ADGRL3: variants seen among roughly 807,000 people sequenced by gnomAD.
The protein encoded by ADGRL3 is adhesion G protein-coupled receptor L3, also known as calcium-independent alpha-latrotoxin receptor 3.
ADGRL3 carries 62 observed loss-of-function variants against 153.5 expected under a neutral mutation model. The ratio of observed to expected loss-of-function variants is 0.40; its 90% CI spans 0.33 to 0.50. ADGRL3 has a LOEUF of 0.50. Among genes scored for constraint, ADGRL3 ranks in the 20% least tolerant of loss-of-function variants. ADGRL3 has a pLI of 0.47. For missense variants in ADGRL3, 1,641 were observed against 1,859.4 expected (o/e 0.88, Z 2.16); for synonymous variants, 710 against 672.5 (o/e 1.06, Z -0.86).
At chr4:61,335,062 G>A (rs567363974) in intron 1 of ADGRL3, among the ~76,000 whole-genome samples, 36 of 152,080 alleles carry the variant, frequency 2.4e-4, no homozygotes, top group African/African-American at 8.4e-4. Context: ...CAATAAAAAA[G>A]CAGAATGATT....
intron 8 of ADGRL3, among the ~76,000 whole-genome samples, chr4:61,777,692 A>C (rs1462785096): frequency 6.6e-6 from 1 of 152,156 alleles, no homozygotes; most frequent in South Asian, 2.1e-4. Context: ...AATTCCCGGG[A>C]AAGTGCCAAA....
intron 4 of ADGRL3, among the ~76,000 whole-genome samples, chr4:61,518,671 CT>C (rs925228584): frequency 1.3e-5 from 2 of 152,168 alleles, no homozygotes; most frequent in Non-Finnish European, 1.5e-5. Flanking sequence ...CGTTCAATCT[CT>C]CCATTCAGAT....
At chr4:61,467,472 G>A (rs1465553207) in intron 2 of ADGRL3, among the ~76,000 whole-genome samples, 1 of 151,924 alleles carries the variant, frequency 6.6e-6, no homozygotes, top group Non-Finnish European at 1.5e-5. Flanking sequence ...CATTTCAGAT[G>A]TGGGTGTGTG....
intron 4 of ADGRL3, 31 bp downstream of exon 4, chr4:61,517,549 G>C: frequency 1.4e-6 from 1 of 698,128 alleles, no homozygotes; most frequent in African/African-American, 1.7e-5. Flanking sequence ...AGAGGGCTGG[G>C]GGTGGCTGGG....
chr4:61,824,544 AAATT>A (rs1296010046), intron 9 of ADGRL3, among the ~76,000 whole-genome samples: 1 of 152,192 alleles, frequency 6.6e-6, no homozygotes, highest in African/African-American at 2.4e-5. Flanking sequence ...CGTATAGTAA[AAATT>A]AATTGTCTTA....
chr4:61,371,595 G>A (rs952619880), intron 1 of ADGRL3, among the ~76,000 whole-genome samples: 2 of 152,158 alleles, frequency 1.3e-5, no homozygotes, highest in African/African-American at 4.8e-5. Context: ...TCTGCCAAGA[G>A]ATCTGCTGTT....
At chr4:62,000,728 G>A (rs747932823) in intron 21 of ADGRL3, among the ~76,000 whole-genome samples, 22 of 151,798 alleles carry the variant, frequency 1.4e-4, no homozygotes, top group Non-Finnish European at 2.9e-4. Flanking sequence ...AGATAAATTG[G>A]GTAGTTGTTA....
intron 8 of ADGRL3, among the ~76,000 whole-genome samples, chr4:61,743,316 C>T (rs1386977366): frequency 8.4e-6 from 1 of 119,748 alleles, no homozygotes; most frequent in Admixed American, 9.4e-5. Flanking sequence ...CAGAGCAAGA[C>T]TCCATCTCAA....
chr4:61,847,666 T>A (rs868031034), intron 9 of ADGRL3, among the ~76,000 whole-genome samples: 20 of 60,722 alleles, frequency 3.3e-4, no homozygotes, highest in African/African-American at 1.4e-3. Context: ...ATTATATATA[T>A]AATATAAAAT....
intron 4 of ADGRL3, among the ~76,000 whole-genome samples, chr4:61,527,737 A>C (rs537988133): frequency 1.3e-5 from 2 of 152,198 alleles, no homozygotes; most frequent in African/African-American, 4.8e-5. Flanking sequence ...ATGCTATGAA[A>C]TGTATTCACT....
intron 8 of ADGRL3, among the ~76,000 whole-genome samples, chr4:61,750,557 C>T (rs570611467): frequency 8.5e-5 from 13 of 152,118 alleles, no homozygotes; most frequent in Admixed American, 4.6e-4. Flanking sequence ...TTTGGGAGGC[C>T]GAGGCGGGCG....
chr4:61,314,208 G>GTT (rs372800861), intron 1 of ADGRL3, among the ~76,000 whole-genome samples: 43 of 141,950 alleles, frequency 3.0e-4, no homozygotes, highest in Admixed American at 4.9e-4. Flanking sequence ...CTACTTTGAA[G>GTT]TTTTTTTTTT....
At chr4:61,574,131 TC>T (rs1248236677) in intron 4 of ADGRL3, among the ~76,000 whole-genome samples, 1 of 151,966 alleles carries the variant, frequency 6.6e-6, no homozygotes, top group Non-Finnish European at 1.5e-5. Context: ...AAAGTCGGCT[TC>T]AACTCAAACT....
At chr4:61,414,737 T>TG (rs919288151) in intron 2 of ADGRL3, among the ~76,000 whole-genome samples, 6 of 152,022 alleles carry the variant, frequency 3.9e-5, no homozygotes, top group African/African-American at 1.4e-4. Context: ...TTGTTCTGCT[T>TG]GATCTCTGGT....
At chr4:61,921,845 C>T (rs1434495177) in intron 13 of ADGRL3, among the ~76,000 whole-genome samples, 1 of 152,150 alleles carries the variant, frequency 6.6e-6, no homozygotes, top group African/African-American at 2.4e-5. Flanking sequence ...TTGGGGATAA[C>T]TTGTGGCCGA....
rs2098502787 is a variant in ADGRL3, at chr4:61,517,341, G to T, written c.82G>T (p.Ala28Ser). The part of the protein sequence containing the change: ...HGGKHSERHP[A>S]LAAPLRHAER... ...TGGCAAGCACAGTGAACGACATCCT[G>T]CCCTTGCTGCTCCATTGCGACACGC... Residue 28 changes from alanine (A) to serine (S), a missense_variant, in exon 4 of 27, where the codon GCC becomes TCC. Coordinates refer to ENST00000683033, the MANE Select transcript of ADGRL3 (RefSeq NM_001387552.1). 1.4e-6 allele frequency: 1 copy of T among 703,608 alleles called. No individual in the cohort carries two copies. Among genetic ancestry groups the T allele is most frequent in the African/African-American group, 1.7e-5 (1 of 57,286 alleles). The allele number at this position is 703,608 out of a possible 1,614,324, so 43.6% of individuals were successfully genotyped here. A position where few individuals can be genotyped will look rare whatever the true frequency, so the allele number is the denominator to read the frequency against.
chr4:61,201,049 C>CGGGAGGACGAAG lies in ADGRL3; in HGVS notation c.-955_-944dup, dbSNP rs1734516580. ...GGGACCCTCGGCTGGGAGAGAGCCT[C>CGGGAGGACGAAG]GGGAGGACGAAGAGGAGGACGGTTT... On this transcript the variant is annotated 5_prime_UTR_variant, in exon 1 of 27. Coordinates refer to ENST00000683033, the MANE Select transcript of ADGRL3 (RefSeq NM_001387552.1). 6.6e-6 allele frequency among the ~76,000 whole-genome samples: 1 copy of CGGGAGGACGAAG among 152,080 alleles called. No individual in the cohort carries two copies. Among genetic ancestry groups the CGGGAGGACGAAG allele is most frequent in the Non-Finnish European group, 1.5e-5 (1 of 68,018 alleles).
At chr4:61,305,382 G>T (rs1385400486) in intron 1 of ADGRL3, among the ~76,000 whole-genome samples, 1 of 152,222 alleles carries the variant, frequency 6.6e-6, no homozygotes, top group East Asian at 1.9e-4. Context: ...AGGAGTTCAA[G>T]TTTAAAGTAC....
At chr4:61,448,215 A>G (rs2097610907) in intron 2 of ADGRL3, among the ~76,000 whole-genome samples, 1 of 152,212 alleles carries the variant, frequency 6.6e-6, no homozygotes, top group Admixed American at 6.5e-5. Context: ...AGTCATACAC[A>G]GTCAGGTGTG....
Sources: gnomAD v4.1 joint callset for allele counts (sites outside exome capture counted in the v4.1 genomes callset) on GRCh38, gnomAD v4.1.1 for gene constraint, MANE v1.5 for transcripts, NCBI Gene and HGNC (gene_info 2026-07-23, HGNC 2026-07-21) for gene names.